Variants in MDGA2 observed in about 807,000 individuals in gnomAD.
MDGA2 encodes the protein MAM domain-containing glycosylphosphatidylinositol anchor protein 2.
MDGA2 carries 40 observed loss-of-function variants against 117.8 expected under a neutral mutation model. The observed-to-expected ratio is 0.34, with a 90% CI of 0.26 to 0.44. The LOEUF is 0.44. Among genes scored for constraint, MDGA2 ranks in the 20% least tolerant of loss-of-function variants. The probability of loss-of-function intolerance (pLI) is 1.00; values close to 1 mark genes in which losing one functional copy is unlikely to be tolerated. For synonymous variants in MDGA2, 452 were observed against 439.0 expected (o/e 1.03, Z -0.37); for missense variants, 1,123 against 1,250.6 (o/e 0.90, Z 1.54).
At chr14:47,122,397 G>A (rs762300740) in intron 5 of MDGA2, among the ~76,000 whole-genome samples, 29 of 151,984 alleles carry the variant, frequency 1.9e-4, no homozygotes, top group Non-Finnish European at 3.7e-4. Context: ...TTCATTGAGT[G>A]ACCAATTGTT....
intron 9 of MDGA2, among the ~76,000 whole-genome samples, chr14:46,950,199 T>TTA (rs1212610370): frequency 2.0e-5 from 3 of 151,932 alleles, no homozygotes; most frequent in African/African-American, 7.2e-5. Context: ...AAGTGATACT[T>TTA]ACATTTTTAT....
chr14:47,491,254 A>G (rs549313748), intron 1 of MDGA2, among the ~76,000 whole-genome samples: 1 of 152,224 alleles, frequency 6.6e-6, no homozygotes, highest in African/African-American at 2.4e-5. Flanking sequence ...CTTCTACAGA[A>G]TCGATTAAGA....
At chr14:47,590,604 G>A (rs902519582) in intron 1 of MDGA2, among the ~76,000 whole-genome samples, 1 of 151,832 alleles carries the variant, frequency 6.6e-6, no homozygotes, top group African/African-American at 2.4e-5. Context: ...TAGCACTACA[G>A]GGTAACTACA....
intron 3 of MDGA2, among the ~76,000 whole-genome samples, chr14:47,172,538 G>C (rs1884205024): frequency 6.6e-6 from 1 of 152,188 alleles, no homozygotes; most frequent in Non-Finnish European, 1.5e-5. Context: ...CAAGCAAACA[G>C]GGTTTGGAGT....
chr14:47,066,652 A>C (rs1890093183), intron 6 of MDGA2, among the ~76,000 whole-genome samples: 1 of 152,154 alleles, frequency 6.6e-6, no homozygotes, highest in African/African-American at 2.4e-5. Context: ...GGGCTTGTTT[A>C]TATGCTTCAG....
intron 1 of MDGA2, among the ~76,000 whole-genome samples, chr14:47,483,742 C>T (rs1893999745): frequency 6.6e-6 from 1 of 152,192 alleles, no homozygotes; most frequent in African/African-American, 2.4e-5. Flanking sequence ...CTACTTTCCA[C>T]TCACACTGGC....
intron 1 of MDGA2, among the ~76,000 whole-genome samples, chr14:47,333,631 C>A (rs1890355168): frequency 6.6e-6 from 1 of 151,738 alleles, no homozygotes; most frequent in South Asian, 2.1e-4. Flanking sequence ...CACAGTTCCA[C>A]TATCAACAAT....
At chr14:47,351,968 T>C (rs1890894809) in intron 1 of MDGA2, among the ~76,000 whole-genome samples, 1 of 151,764 alleles carries the variant, frequency 6.6e-6, no homozygotes, top group African/African-American at 2.4e-5. Context: ...TATGCATATA[T>C]AATTCCATGA....
intron 4 of MDGA2, among the ~76,000 whole-genome samples, chr14:47,139,841 T>A (rs111339990): frequency 2.1e-5 from 3 of 145,110 alleles, no homozygotes; most frequent in African/African-American, 7.6e-5. Context: ...CATATATATA[T>A]ACACACATAT....
intron 1 of MDGA2, among the ~76,000 whole-genome samples, chr14:47,515,729 AAAG>A (rs1380788214): frequency 5.3e-5 from 8 of 152,158 alleles, no homozygotes; most frequent in South Asian, 2.1e-4. Flanking sequence ...AGGAATAAAA[AAAG>A]GCCCAACTTT....
At chr14:47,101,372 GCAAA>G (rs1235158264) in intron 5 of MDGA2, among the ~76,000 whole-genome samples, 1 of 152,020 alleles carries the variant, frequency 6.6e-6, no homozygotes, top group Non-Finnish European at 1.5e-5. Flanking sequence ...TCTTCTCCTG[GCAAA>G]CAAAGTTTTC....
At chr14:47,280,481 T>G (rs924269699) in intron 2 of MDGA2, among the ~76,000 whole-genome samples, 21 of 152,074 alleles carry the variant, frequency 1.4e-4, no homozygotes, top group African/African-American at 4.1e-4. Flanking sequence ...AGGTTAAACT[T>G]TTTATAGGTG....
In MDGA2 at chr14:47,610,038, G is replaced by A. The variant is rs1347868058; in HGVS notation, c.280+64479C>T. Among the ~76,000 whole-genome samples the A allele has an allele frequency of 2.6e-5, 4 of 151,778 alleles. No individual in the cohort carries two copies. In the South Asian group the frequency reaches 8.3e-4, roughly 31 times the overall value. ...TACCAGGGAAGTCAATAAATGTGAT[G>A]CACCATATAAACAGAATTAAAAACA... On this transcript the variant is annotated intron_variant, in intron 1 of 16. Coordinates refer to ENST00000399232, the MANE Select transcript of MDGA2 (RefSeq NM_001113498.3).
At chr14:46,916,301 A>G (rs1259725439) in intron 10 of MDGA2, among the ~76,000 whole-genome samples, 1 of 152,158 alleles carries the variant, frequency 6.6e-6, no homozygotes, top group Non-Finnish European at 1.5e-5. Flanking sequence ...GCTGGGGTCC[A>G]TGAGAAACGT....
intron 2 of MDGA2, among the ~76,000 whole-genome samples, chr14:47,294,834 C>T (rs550322393): frequency 1.3e-5 from 2 of 152,180 alleles, no homozygotes; most frequent in Non-Finnish European, 2.9e-5. Flanking sequence ...CTAATGTTTG[C>T]TAAGATTTTT....
intron 3 of MDGA2, among the ~76,000 whole-genome samples, chr14:47,204,907 A>G (rs1417631855): frequency 6.6e-6 from 1 of 151,920 alleles, no homozygotes; most frequent in Non-Finnish European, 1.5e-5. Flanking sequence ...TGCCAACAAC[A>G]TGCTATGAAG....
chr14:47,187,898 G>GT (rs1384831550), intron 3 of MDGA2, among the ~76,000 whole-genome samples: 3 of 151,410 alleles, frequency 2.0e-5, no homozygotes, highest in African/African-American at 7.3e-5. Flanking sequence ...CATTGTTCAT[G>GT]TTTTATTATT....
chr14:47,478,562 G>C (rs975251292), intron 1 of MDGA2, among the ~76,000 whole-genome samples: 12 of 151,914 alleles, frequency 7.9e-5, no homozygotes, highest in African/African-American at 2.9e-4. Flanking sequence ...TTTTTGCAGA[G>C]ATGGGGTTTC....
At chr14:47,316,636 T>C (rs1889818859) in intron 1 of MDGA2, among the ~76,000 whole-genome samples, 1 of 152,062 alleles carries the variant, frequency 6.6e-6, no homozygotes, top group African/African-American at 2.4e-5. Flanking sequence ...AGAGAAGCAA[T>C]TCTGGTAGGC....
Sources: gnomAD v4.1 joint callset for allele counts (sites outside exome capture counted in the v4.1 genomes callset) on GRCh38, gnomAD v4.1.1 for gene constraint, MANE v1.5 for transcripts, NCBI Gene and HGNC (gene_info 2026-07-23, HGNC 2026-07-21) for gene names.